The following AXIN2 variants were observed in gnomAD, a reference collection of about 807,000 sequenced individuals.
The protein encoded by AXIN2 is axin-2.
A neutral mutation model predicts 74.7 loss-of-function variants in AXIN2; 21 were observed. The ratio of observed to expected loss-of-function variants is 0.28; its 90% CI spans 0.20 to 0.40. AXIN2 has a LOEUF of 0.40. Among genes scored for constraint, AXIN2 ranks in the 10% least tolerant of loss-of-function variants. The pLI, the probability that AXIN2 is intolerant of heterozygous loss-of-function variation, is 1.00. For missense variants in AXIN2, 1,144 were observed against 1,111.1 expected (o/e 1.03, Z -0.42); for synonymous variants, 532 against 454.9 (o/e 1.17, Z -2.16).
In AXIN2 at chr17:65,538,171, C is replaced by T. The variant is rs574302210; in HGVS notation, c.1200+32G>A. On this transcript the variant is annotated intron_variant, in intron 5 of 10. Transcript: ENST00000307078. The stretch of plus-strand genomic sequence containing the variant: ...CACATACGAGCGCTCACGCCGTGGA[C>T]GGAAGCAGGAAGAAGGCCTAGGCCG... 16 of 1,613,810 alleles carry T rather than the reference C, an allele frequency of 9.9e-6. No homozygotes were observed. In the Admixed American group the frequency reaches 1.2e-4, roughly 12 times the overall value.
rs2043789662 is a variant in AXIN2, at chr17:65,529,988, C to T, written c.2520G>A (p.Glu840=). 2 of 1,614,210 alleles carry T rather than the reference C, an allele frequency of 1.2e-6. No individual in the cohort carries two copies. The highest frequency in any genetic ancestry group is 1.7e-6 in the Non-Finnish European group (2 of 1,180,040). Residue 840 remains glutamate, a synonymous_variant, in exon 11 of 11, where the codon GAG becomes GAA. Transcript: ENST00000307078. The part of the protein sequence containing the change: ...MYEGRILGKV[E]RID ...CAGACCCCAGGGCTCAATCGATCCGCTCCACTTTGCCCAGAATCCGGCCTT... is the reference window on the plus strand; with the variant it reads ...CAGACCCCAGGGCTCAATCGATCCGTTCCACTTTGCCCAGAATCCGGCCTT...
rs1555577394 is a variant in AXIN2, at chr17:65,536,943, C to T, written c.1833G>A (p.Glu611=). ...AGACATCCTGCGACCTGTCTCCTTC[C>T]TCCCGGGGAAGCTGCAGGGCCCCAG... The part of the protein sequence containing the change: ...GGAGALQLPR[E]EGDRSQDVWQ... The change falls in exon 7 of 11, where the codon GAG becomes GAA. Residue 611 remains glutamate (E), a synonymous_variant. Coordinates refer to ENST00000307078, the MANE Select transcript of AXIN2 (RefSeq NM_004655.4). The T allele has an allele frequency of 2.5e-6, 4 of 1,613,514 alleles. No individual in the cohort carries two copies. The highest frequency in any genetic ancestry group is 2.7e-5 in the African/African-American group (2 of 74,928).
In AXIN2 at chr17:65,541,564, G is replaced by A. The variant is rs2044043955; in HGVS notation, c.957-7C>T. On this transcript the variant is annotated splice_region_variant and splice_polypyrimidine_tract_variant and intron_variant, in intron 3 of 10. Transcript: ENST00000307078. ...ATAAGGAGGAATTCCATCTCTAAGGGAAAGGAAAAGACAGAATCCACAGGC... is the reference window on the plus strand; with the variant it reads ...ATAAGGAGGAATTCCATCTCTAAGGAAAAGGAAAAGACAGAATCCACAGGC... 4 of 1,607,704 alleles carry A rather than the reference G, an allele frequency of 2.5e-6. No individual in the cohort carries two copies. Among genetic ancestry groups the A allele is most frequent in the Non-Finnish European group, 3.4e-6 (4 of 1,174,220 alleles).
intron 3 of AXIN2, among the ~76,000 whole-genome samples, chr17:65,542,260 G>A (rs1433207448): frequency 6.6e-6 from 1 of 152,192 alleles, no homozygotes; most frequent in African/African-American, 2.4e-5. Context: ...GGTGGTCTGT[G>A]CAATCCATTT....
rs374994649 is a variant in AXIN2 at position 65,558,365 on chromosome 17, A to G, written c.256T>C (p.Leu86=). ...AGGTAAGCACCGTCTTGATCGCCCA[A>G]TAAGGAGTGTAAGGACTTGGTCCAC... ...TRWTKSLHSL[L]GDQDGAYLFR... Residue 86 remains leucine, a synonymous_variant, in exon 2 of 11, where the codon TTG becomes CTG. Coordinates refer to ENST00000307078, the MANE Select transcript of AXIN2 (RefSeq NM_004655.4). 6.2e-6 allele frequency: 10 copies of G among 1,613,446 alleles called. No individual in the cohort carries two copies. The East Asian group carries it at 8.9e-5, about 14-fold the overall frequency.
chr17:65,532,522 A>G (rs1338459590), intron 10 of AXIN2, among the ~76,000 whole-genome samples: 1 of 152,120 alleles, frequency 6.6e-6, no homozygotes, highest in Non-Finnish European at 1.5e-5. Flanking sequence ...ACCCAGCAAC[A>G]CGCCCTGCTG....
intron 2 of AXIN2, among the ~76,000 whole-genome samples, chr17:65,557,089 A>T (rs1368575949): frequency 6.6e-6 from 1 of 152,150 alleles, no homozygotes; most frequent in African/African-American, 2.4e-5. Flanking sequence ...CCGGGCCAAG[A>T]TCTCTTCTCC....
rs79732150 is a variant in AXIN2 at position 65,534,035 on chromosome 17, G to A, written c.2282C>T (p.Ala761Val). The A allele has an allele frequency of 2.5e-6, 4 of 1,614,230 alleles. No homozygotes were observed. Among genetic ancestry groups the A allele is most frequent in the Non-Finnish European group, 2.5e-6 (3 of 1,180,040 alleles). The change falls in exon 10 of 11, where the codon GCC (alanine) becomes GTC (valine). Residue 761 changes from alanine to valine, a missense_variant. Ala to Val is a moderately conservative substitution (Grantham distance 64). This residue lies in a region of AXIN2 where 1,053 missense variants were observed against 973.5 expected (regional missense o/e 1.08). Transcript: ENST00000307078. ...AAAGTAAGTGACAACCAACTCACTG[G>A]CCTGGAGCGCGTGGACACCTGCCAG... is the stretch of plus-strand genomic sequence containing the variant. ...KKLAGVHALQ[A>V]SELVVTYFFC...
At chr17:65,552,449 C>T (rs1255104185) in intron 2 of AXIN2, among the ~76,000 whole-genome samples, 1 of 152,148 alleles carries the variant, frequency 6.6e-6, no homozygotes, top group Non-Finnish European at 1.5e-5. Flanking sequence ...CGATGACTTC[C>T]TTGGGGCCTT....
intron 10 of AXIN2, among the ~76,000 whole-genome samples, chr17:65,531,400 G>A (rs565967557): frequency 2.4e-4 from 37 of 151,976 alleles, no homozygotes; most frequent in Non-Finnish European, 4.1e-4. Context: ...CTGAAGACAC[G>A]TCATGTCAAG....
intron 2 of AXIN2, among the ~76,000 whole-genome samples, chr17:65,551,238 C>G (rs1390521049): frequency 6.6e-6 from 1 of 152,056 alleles, no homozygotes; most frequent in Non-Finnish European, 1.5e-5. Context: ...CTCCCTGGGA[C>G]AGATGGCAGA....
At chr17:65,533,889 G>C in intron 10 of AXIN2, 23 bp downstream of exon 10, 1 of 1,513,730 alleles carries the variant, frequency 6.6e-7, no homozygotes, top group Non-Finnish European at 9.0e-7. Flanking sequence ...ACTGAGAGCA[G>C]AAAAAAGCCA....
intron 10 of AXIN2, among the ~76,000 whole-genome samples, chr17:65,531,914 A>G (rs959919198): frequency 2.0e-5 from 3 of 151,740 alleles, no homozygotes; most frequent in Non-Finnish European, 4.4e-5. Context: ...CACGGCCCCA[A>G]CCTCACTGGG....
chr17:65,544,008 C>T (rs765623026), intron 3 of AXIN2, among the ~76,000 whole-genome samples: 2 of 152,152 alleles, frequency 1.3e-5, no homozygotes, highest in African/African-American at 2.4e-5. Context: ...TGTCTATCCT[C>T]CATCTCTCTT....
At chr17:65,541,375 C>T (rs2044039662) in intron 4 of AXIN2, 80 bp downstream of exon 4, 23 of 1,292,442 alleles carry the variant, frequency 1.8e-5, no homozygotes, top group Non-Finnish European at 2.6e-5. Flanking sequence ...TATACCTCTC[C>T]CCATTCCACC....
chr17:65,530,188 G>C (rs995190454), intron 10 of AXIN2, 86 bp from the exon 11 acceptor site: 2 of 1,570,996 alleles, frequency 1.3e-6, no homozygotes, highest in Non-Finnish European at 1.7e-6. Flanking sequence ...GGAGGACTGA[G>C]GTATCCTAGG....
At chr17:65,537,246 C>A (rs1249836858) in intron 6 of AXIN2, 78 bp downstream of exon 6, 3 of 1,599,408 alleles carry the variant, frequency 1.9e-6, no homozygotes, top group Middle Eastern at 2.1e-4. Flanking sequence ...TGTAATGCGG[C>A]TCCCACCTCA....
chr17:65,554,192 C>CTGTG (rs993110028), intron 2 of AXIN2, among the ~76,000 whole-genome samples: 2 of 152,190 alleles, frequency 1.3e-5, no homozygotes, highest in African/African-American at 4.8e-5. Context: ...AGGCAGGGAG[C>CTGTG]ACAGAACTGA....
chr17:65,544,326 T>C (rs1275474192), intron 3 of AXIN2, among the ~76,000 whole-genome samples: 2 of 151,208 alleles, frequency 1.3e-5, no homozygotes, highest in Non-Finnish European at 2.9e-5. Context: ...AACTGCAATA[T>C]TGAAGGCAAA....
Sources: gnomAD v4.1 joint callset for allele counts (sites outside exome capture counted in the v4.1 genomes callset) on GRCh38, gnomAD v4.1.1 for gene constraint, gnomAD v4.1.1 regional missense constraint, MANE v1.5 for transcripts, NCBI Gene and HGNC (gene_info 2026-07-23, HGNC 2026-07-21) for gene names.